Variants in BMPR1A observed in about 807,000 individuals in gnomAD.
The protein encoded by BMPR1A is bone morphogenetic protein receptor type 1A, also known as bone morphogenetic protein receptor type-1A.
Under a neutral mutation model 66.0 loss-of-function variants are expected in BMPR1A, and 7 were observed. The ratio of observed to expected loss-of-function variants is 0.11; its 90% CI spans 0.06 to 0.20. The LOEUF (loss-of-function observed/expected upper bound fraction) is 0.20. Among genes scored for constraint, BMPR1A ranks in the 10% least tolerant of loss-of-function variants. The pLI is 1.00. For missense variants in BMPR1A, 408 were observed against 669.1 expected, an observed-to-expected ratio of 0.61 and a Z score of 4.31; for synonymous variants, 200 against 229.7, an observed-to-expected ratio of 0.87 and a Z score of 1.17.
At chr10:86,778,020 AAAATT>A (rs1306574587) in intron 1 of BMPR1A, among the ~76,000 whole-genome samples, 4 of 152,048 alleles carry the variant, frequency 2.6e-5, no homozygotes, top group Non-Finnish European at 4.4e-5. Context: ...AAAAAAAAAA[AAAATT>A]AAATTGACAA....
chr10:86,900,444 T>C (rs1191346739), intron 7 of BMPR1A, among the ~76,000 whole-genome samples: 1 of 151,820 alleles, frequency 6.6e-6, no homozygotes, highest in Admixed American at 6.6e-5. Flanking sequence ...TTTTTTGCGT[T>C]ATAATTCTTT....
At chr10:86,793,365 G>T (rs1460164602) in intron 1 of BMPR1A, among the ~76,000 whole-genome samples, 2 of 141,554 alleles carry the variant, frequency 1.4e-5, no homozygotes, top group African/African-American at 5.2e-5. Flanking sequence ...CTCACTGACA[G>T]TTTTTTTTTT....
At chr10:86,853,380 T>C (rs1408850148) in intron 2 of BMPR1A, among the ~76,000 whole-genome samples, 3 of 152,156 alleles carry the variant, frequency 2.0e-5, no homozygotes, top group Non-Finnish European at 1.5e-5. Flanking sequence ...TTTTAGGCTA[T>C]TTTTACATTA....
At chr10:86,915,420 G>C (rs1339731237) in intron 8 of BMPR1A, among the ~76,000 whole-genome samples, 1 of 152,166 alleles carries the variant, frequency 6.6e-6, no homozygotes, top group African/African-American at 2.4e-5. Flanking sequence ...TCCAAGGCTT[G>C]TTGAACTTTT....
chr10:86,917,187 C>T lies in BMPR1A; in HGVS notation c.729C>T (p.Gly243=), dbSNP rs770821763. The T allele has an allele frequency of 1.2e-6, 2 of 1,613,960 alleles. No individual in the cohort carries two copies. Among genetic ancestry groups the T allele is most frequent in the East Asian group, 4.5e-5 (2 of 44,866 alleles). The change falls in exon 9 of 13, where the codon GGC becomes GGT. Residue 243 remains glycine, a synonymous_variant. Transcript: ENST00000372037. Reference sequence around the variant, plus strand: ...AGATGGTCCGGCAAGTTGGTAAAGGCCGATATGGAGAAGTATGGATGGGCA... The same window carrying T: ...AGATGGTCCGGCAAGTTGGTAAAGGTCGATATGGAGAAGTATGGATGGGCA... ...QIQMVRQVGK[G]RYGEVWMGKW...
chr10:86,804,153 AAAT>A (rs1302366267), intron 1 of BMPR1A, among the ~76,000 whole-genome samples: 3 of 152,180 alleles, frequency 2.0e-5, no homozygotes, highest in Non-Finnish European at 4.4e-5. Flanking sequence ...TATCATCTTT[AAAT>A]AATAATAACT....
intron 10 of BMPR1A, among the ~76,000 whole-genome samples, 156 bp downstream of exon 10, chr10:86,919,625 A>G (rs1338796636): frequency 2.0e-5 from 3 of 152,056 alleles, no homozygotes; most frequent in African/African-American, 4.8e-5. Flanking sequence ...CTTTTTACAA[A>G]AATTGTGTCC....
At chr10:86,766,549 C>T (rs921423282) in intron 1 of BMPR1A, among the ~76,000 whole-genome samples, 2 of 151,798 alleles carry the variant, frequency 1.3e-5, no homozygotes, top group East Asian at 1.9e-4. Flanking sequence ...GCAAAATCTT[C>T]GTAACCATTC....
downstream of BMPR1A, chr10:86,930,400 C>A (rs1388633108): frequency 1.3e-5 from 2 of 152,234 alleles, no homozygotes; most frequent in Non-Finnish European, 2.9e-5. Flanking sequence ...CTGCCTCAGC[C>A]ACCTGAGAAG....
intron 1 of BMPR1A, among the ~76,000 whole-genome samples, chr10:86,822,404 C>G (rs890589241): frequency 6.6e-6 from 1 of 152,130 alleles, no homozygotes; most frequent in Non-Finnish European, 1.5e-5. Context: ...AGGGCACACA[C>G]TTCAATGGTT....
intron 7 of BMPR1A, among the ~76,000 whole-genome samples, chr10:86,911,382 TA>T (rs895507647): frequency 2.0e-5 from 3 of 152,142 alleles, no homozygotes; most frequent in African/African-American, 7.2e-5. Context: ...ATACAGATTA[TA>T]TAATGAACGC....
At chr10:86,801,255 C>A (rs1367967634) in intron 1 of BMPR1A, among the ~76,000 whole-genome samples, 1 of 152,164 alleles carries the variant, frequency 6.6e-6, no homozygotes, top group Non-Finnish European at 1.5e-5. Flanking sequence ...GATCCTCCCA[C>A]CTCAGCCTCC....
chr10:86,908,356 G>A lies in BMPR1A; in HGVS notation c.531-3884G>A, dbSNP rs190702459. ...AACTATTATACATCAGTTTTAAAAA[G>A]AACAACAGACATTGAAATAAAGACA... On this transcript the variant is annotated intron_variant, in intron 7 of 12. Transcript: ENST00000372037. Among the ~76,000 whole-genome samples, 448 of 152,220 alleles carry A rather than the reference G, an allele frequency of 2.9e-3. 1 individual carries two copies. Among genetic ancestry groups the A allele is most frequent in the Middle Eastern group, 6.8e-3 (2 of 294 alleles).
chr10:86,857,208 T>C (rs935538232), intron 2 of BMPR1A, among the ~76,000 whole-genome samples: 2 of 152,136 alleles, frequency 1.3e-5, no homozygotes, highest in Non-Finnish European at 2.9e-5. Flanking sequence ...ATGGTGGCCT[T>C]TCTGGTGAGC....
chr10:86,766,597 C>A (rs183921057), intron 1 of BMPR1A, among the ~76,000 whole-genome samples: 1 of 150,434 alleles, frequency 6.6e-6, no homozygotes, highest in Non-Finnish European at 1.5e-5. Flanking sequence ...GTTCTCTCCT[C>A]CCAACATAAT....
intron 2 of BMPR1A, among the ~76,000 whole-genome samples, chr10:86,853,863 G>A (rs1373896897): frequency 4.6e-5 from 7 of 152,176 alleles, no homozygotes; most frequent in Admixed American, 1.3e-4. Context: ...AGGACGGGGC[G>A]AAATTAAAAT....
chr10:86,878,205 T>C (rs927161864), intron 3 of BMPR1A, among the ~76,000 whole-genome samples: 2 of 152,208 alleles, frequency 1.3e-5, no homozygotes, highest in Non-Finnish European at 2.9e-5. Flanking sequence ...AATAAACTTA[T>C]CTGTACCTTG....
intron 2 of BMPR1A, among the ~76,000 whole-genome samples, chr10:86,843,080 G>T (rs1037519120): frequency 6.6e-6 from 1 of 152,176 alleles, no homozygotes; most frequent in Admixed American, 6.5e-5. Context: ...ACTGTTTCAA[G>T]CAAGAAATAA....
At chr10:86,805,689 C>T (rs1348774942) in intron 1 of BMPR1A, among the ~76,000 whole-genome samples, 1 of 152,076 alleles carries the variant, frequency 6.6e-6, no homozygotes, top group Non-Finnish European at 1.5e-5. Context: ...TCTCGATCTT[C>T]TGACCTCATG....
Sources: gnomAD v4.1 joint callset for allele counts (sites outside exome capture counted in the v4.1 genomes callset) on GRCh38, gnomAD v4.1.1 for gene constraint, MANE v1.5 for transcripts, NCBI Gene and HGNC (gene_info 2026-07-23, HGNC 2026-07-21) for gene names.